The following OXR1 variants were observed in gnomAD, a reference collection of about 807,000 sequenced individuals.
The protein encoded by OXR1 is oxidation resistance protein 1.
A neutral mutation model predicts 104.6 loss-of-function variants in OXR1; 41 were observed. That is an observed-to-expected ratio of 0.39 (90% CI 0.31 to 0.51). The LOEUF (loss-of-function observed/expected upper bound fraction) is 0.51, where lower values mean the gene tolerates loss of function less well. Ranked by LOEUF, OXR1 falls within the 20% of genes least tolerant of loss-of-function variation. The pLI is 0.77. For missense variants in OXR1, 955 were observed against 1,031.9 expected, an observed-to-expected ratio of 0.93 and a Z score of 1.02; for synonymous variants, 348 against 348.4, an observed-to-expected ratio of 1.00 and a Z score of 0.01.
At chr8:106,703,335 T>A (rs1163869388) in intron 8 of OXR1, among the ~76,000 whole-genome samples, 1 of 152,208 alleles carries the variant, frequency 6.6e-6, no homozygotes, top group Non-Finnish European at 1.5e-5. Flanking sequence ...TAACCTATAG[T>A]GCCCATTTAA....
At chr8:106,388,443 G>A (rs1458858843) in intron 2 of OXR1, among the ~76,000 whole-genome samples, 1 of 148,390 alleles carries the variant, frequency 6.7e-6, no homozygotes, top group African/African-American at 2.5e-5. Context: ...TTTTTTCTGA[G>A]ACAGTGTCTT....
chr8:106,327,754 G>A (rs1392842528), intron 1 of OXR1, among the ~76,000 whole-genome samples: 1 of 152,054 alleles, frequency 6.6e-6, no homozygotes, highest in African/African-American at 2.4e-5. Flanking sequence ...TCTAATATTT[G>A]GTTACTCATG....
chr8:106,308,866 G>T (rs970271320), intron 1 of OXR1, among the ~76,000 whole-genome samples: 1 of 152,080 alleles, frequency 6.6e-6, no homozygotes, highest in Middle Eastern at 3.2e-3. Flanking sequence ...TTTATAAATT[G>T]TTGGCAAAGC....
chr8:106,643,796 C>T (rs557998841), intron 3 of OXR1, among the ~76,000 whole-genome samples: 3 of 152,232 alleles, frequency 2.0e-5, no homozygotes, highest in South Asian at 2.1e-4. Flanking sequence ...TGACCTCTCT[C>T]GGCCTTGATG....
chr8:106,316,496 A>G (rs1267911592), intron 1 of OXR1, among the ~76,000 whole-genome samples: 4 of 152,186 alleles, frequency 2.6e-5, no homozygotes, highest in African/African-American at 9.7e-5. Flanking sequence ...GAGGGTTATA[A>G]CCATTTACTT....
intron 15 of OXR1, among the ~76,000 whole-genome samples, chr8:106,744,475 A>G (rs1835213763): frequency 6.6e-6 from 1 of 152,226 alleles, no homozygotes; most frequent in African/African-American, 2.4e-5. Context: ...ATACATTATC[A>G]TTACTATTCT....
chr8:106,615,419 A>G (rs3134141), intron 3 of OXR1, among the ~76,000 whole-genome samples: 90,571 of 150,876 alleles, frequency 0.6, 28,300 homozygotes, highest in African/African-American at 0.79. Flanking sequence ...GCAACAGAGT[A>G]AGACTCCGTC....
intron 2 of OXR1, among the ~76,000 whole-genome samples, chr8:106,392,184 A>G (rs1563751646): frequency 6.6e-6 from 1 of 152,088 alleles, no homozygotes; most frequent in African/African-American, 2.4e-5. Context: ...TGACTGACTG[A>G]TTTTTCCCAT....
chr8:106,487,275 C>A (rs1166331140), intron 2 of OXR1, among the ~76,000 whole-genome samples: 2 of 151,132 alleles, frequency 1.3e-5, no homozygotes, highest in Admixed American at 6.6e-5. Context: ...CTGCCCGCCT[C>A]GGCCTCCCAA....
intron 2 of OXR1, among the ~76,000 whole-genome samples, chr8:106,501,717 G>A (rs569956889): frequency 6.6e-6 from 1 of 152,208 alleles, no homozygotes; most frequent in African/African-American, 2.4e-5. Flanking sequence ...AATGCAAATG[G>A]GAAGGATGGT....
At chr8:106,429,180 G>T (rs1409430699) in intron 2 of OXR1, among the ~76,000 whole-genome samples, 9 of 152,014 alleles carry the variant, frequency 5.9e-5, no homozygotes, top group African/African-American at 2.2e-4. Context: ...GCTCACGCTT[G>T]TTCCCCAGCT....
chr8:106,570,850 C>A (rs1447873971), intron 3 of OXR1, among the ~76,000 whole-genome samples: 1 of 152,104 alleles, frequency 6.6e-6, no homozygotes, highest in African/African-American at 2.4e-5. Context: ...ATTCAGCAAA[C>A]AAGAGCACAG....
At chr8:106,584,927 G>A (rs900985874) in intron 3 of OXR1, among the ~76,000 whole-genome samples, 1 of 151,976 alleles carries the variant, frequency 6.6e-6, no homozygotes, top group Non-Finnish European at 1.5e-5. Context: ...TGGGATTGGG[G>A]GGATTGCTTT....
intron 1 of OXR1, among the ~76,000 whole-genome samples, chr8:106,348,638 A>G (rs891272095): frequency 2.0e-5 from 3 of 152,208 alleles, no homozygotes; most frequent in Non-Finnish European, 4.4e-5. Context: ...ATATCAAAAC[A>G]GCTGGTTTTG....
At chr8:106,397,398 T>C (rs1274900229) in intron 2 of OXR1, among the ~76,000 whole-genome samples, 3 of 152,094 alleles carry the variant, frequency 2.0e-5, no homozygotes, top group Non-Finnish European at 4.4e-5. Context: ...ACTTTTTTAC[T>C]GAATAAACTT....
intron 1 of OXR1, among the ~76,000 whole-genome samples, chr8:106,312,340 G>A (rs945309841): frequency 3.6e-4 from 55 of 152,214 alleles, no homozygotes; most frequent in Admixed American, 1.8e-3. Flanking sequence ...AAAATAGAGA[G>A]CAGTCTTAGA....
At chr8:106,284,974 T>G (rs1812436135) in intron 1 of OXR1, among the ~76,000 whole-genome samples, 1 of 152,150 alleles carries the variant, frequency 6.6e-6, no homozygotes, top group Non-Finnish European at 1.5e-5. Context: ...TCTAGTACAT[T>G]TAAATATATA....
intron 2 of OXR1, among the ~76,000 whole-genome samples, chr8:106,410,629 A>C (rs1223519092): frequency 2.6e-5 from 4 of 152,168 alleles, no homozygotes; most frequent in African/African-American, 9.6e-5. Context: ...AGCCAAGAGA[A>C]TAGTCAAAAA....
intron 3 of OXR1, among the ~76,000 whole-genome samples, chr8:106,678,669 A>G (rs1201444308): frequency 6.6e-6 from 1 of 152,024 alleles, no homozygotes; most frequent in Non-Finnish European, 1.5e-5. Flanking sequence ...CTGAAAGTAA[A>G]TGTTCAAATG....
Sources: allele counts gnomAD v4.1 joint callset (sites outside exome capture counted in the v4.1 genomes callset), GRCh38; gene constraint gnomAD v4.1.1; transcripts MANE v1.5; gene names NCBI Gene and HGNC (gene_info 2026-07-23, HGNC 2026-07-21).